Variants in DNAI3 observed in about 807,000 individuals in gnomAD.
DNAI3 encodes WD repeat domain 63.
A neutral mutation model predicts 115.5 loss-of-function variants in DNAI3; 83 were observed. That is an observed-to-expected ratio of 0.72 (90% confidence interval 0.60 to 0.86). The LOEUF (loss-of-function observed/expected upper bound fraction) is 0.86. Ranked by LOEUF, DNAI3 falls within the 40% of genes least tolerant of loss-of-function variation. The pLI, the probability that DNAI3 is intolerant of heterozygous loss-of-function variation, is 0.00. For synonymous variants in DNAI3, 320 were observed against 347.0 expected, an observed-to-expected ratio of 0.92 and a Z score of 0.86; for missense variants, 1,004 against 1,075.8, an observed-to-expected ratio of 0.93 and a Z score of 0.93.
intron 16 of DNAI3, among the ~76,000 whole-genome samples, chr1:85,113,577 G>A (rs997425562): frequency 3.0e-4 from 45 of 152,014 alleles, no homozygotes; most frequent in African/African-American, 1.1e-3. Context: ...AGAGCAATAC[G>A]ACACTGTTTT....
chr1:85,121,485 T>A (rs1203913794), intron 17 of DNAI3, among the ~76,000 whole-genome samples: 3 of 152,248 alleles, frequency 2.0e-5, no homozygotes, highest in Non-Finnish European at 2.9e-5. Flanking sequence ...TTGGGACTAT[T>A]GTCCCAGATG....
At chr1:85,065,811 A>C (rs1654080671) in intron 1 of DNAI3, among the ~76,000 whole-genome samples, 1 of 152,228 alleles carries the variant, frequency 6.6e-6, no homozygotes, top group Non-Finnish European at 1.5e-5. Context: ...GTATTATGAC[A>C]ATTTAATTTA....
At chr1:85,077,073 G>A (rs1330337951) in intron 3 of DNAI3, among the ~76,000 whole-genome samples, 2 of 152,160 alleles carry the variant, frequency 1.3e-5, no homozygotes, top group African/African-American at 2.4e-5. Context: ...GTAGGTTCAT[G>A]TTAACTCTTT....
chr1:85,069,348 T>C (rs1209281551), intron 1 of DNAI3, among the ~76,000 whole-genome samples: 2 of 49,228 alleles, frequency 4.1e-5, no homozygotes, highest in African/African-American at 8.8e-5. Flanking sequence ...ATTTTTCTCC[T>C]TAGTAGTTCT....
chr1:85,082,431 T>C (rs368386624), intron 5 of DNAI3, 27 bp downstream of exon 5: 53 of 1,568,620 alleles, frequency 3.4e-5, no homozygotes, highest in Non-Finnish European at 3.0e-5. Context: ...CCCTTGTAAT[T>C]TGTTTGTTTT....
chr1:85,119,788 C>T (rs1655938645), intron 17 of DNAI3, among the ~76,000 whole-genome samples: 1 of 152,068 alleles, frequency 6.6e-6, no homozygotes, highest in South Asian at 2.1e-4. Context: ...ACCTCCACCT[C>T]CCAGGTTCAA....
chr1:85,078,626 CCCAATAGCAG>C (rs1221802511), intron 3 of DNAI3, among the ~76,000 whole-genome samples: 1 of 152,212 alleles, frequency 6.6e-6, no homozygotes, highest in Non-Finnish European at 1.5e-5. Context: ...TCAAAGCCTA[CCCAATAGCAG>C]TTGTTTTACA....
chr1:85,073,728 T>G (rs1353327395), intron 3 of DNAI3, among the ~76,000 whole-genome samples: 1 of 152,162 alleles, frequency 6.6e-6, no homozygotes, highest in African/African-American at 2.4e-5. Flanking sequence ...TGAGGAAATA[T>G]TGGTAGTATT....
intron 3 of DNAI3, among the ~76,000 whole-genome samples, chr1:85,074,259 C>T (rs990558709): frequency 3.9e-5 from 6 of 152,204 alleles, no homozygotes; most frequent in Non-Finnish European, 5.9e-5. Context: ...CACTCAGCCT[C>T]CTTCTGTCCA....
rs202041938 is a variant in DNAI3 at position 85,097,614 on chromosome 1, A to T, written c.1309A>T (p.Ile437Phe). 85 of 1,613,276 alleles carry T rather than the reference A, an allele frequency of 5.3e-5. No individual in the cohort carries two copies. The highest frequency in any genetic ancestry group is 6.2e-5 in the Non-Finnish European group (73 of 1,179,638). Residue 437 changes from isoleucine (I) to phenylalanine (F), a missense_variant, in exon 12 of 23, where the codon ATT becomes TTT. By Grantham distance (21) the Ile-to-Phe change is conservative (BLOSUM62 0). This residue lies in a region of DNAI3 where 550 missense variants were observed against 568.1 expected (regional missense o/e 0.97). Transcript: ENST00000294664. ...CGCACATGCAGATCGCATAGAAAAC[A>T]TTAAGGCAGGTGGTAGTAGAAGTAA... ...ITAHADRIENIKAGGSRSKRA... is the reference protein window; with the variant it reads ...ITAHADRIENFKAGGSRSKRA...
At chr1:85,093,027 G>T (rs1655024880) in intron 8 of DNAI3, among the ~76,000 whole-genome samples, 1 of 152,182 alleles carries the variant, frequency 6.6e-6, no homozygotes, top group South Asian at 2.1e-4. Flanking sequence ...GTTTACTGAG[G>T]ATTACACTGT....
chr1:85,076,086 C>A (rs1296469330), intron 3 of DNAI3, among the ~76,000 whole-genome samples: 1 of 152,170 alleles, frequency 6.6e-6, no homozygotes, highest in Non-Finnish European at 1.5e-5. Context: ...TTTTCAGCTT[C>A]TAGAGGCCAC....
intron 12 of DNAI3, among the ~76,000 whole-genome samples, chr1:85,098,103 T>C (rs1416115178): frequency 6.6e-6 from 1 of 152,214 alleles, no homozygotes; most frequent in Admixed American, 6.5e-5. Flanking sequence ...TACCATGATT[T>C]TGTGGGGCTA....
rs776041006 is a variant in DNAI3, at chr1:85,117,747, G to A, written c.1805G>A (p.Ser602Asn). The A allele has an allele frequency of 3.1e-6, 5 of 1,613,710 alleles. No individual in the cohort carries two copies. The South Asian group carries it at 5.5e-5, about 18-fold the overall frequency. The change falls in exon 17 of 23, where the codon AGC (serine) becomes AAC (asparagine). Residue 602 changes from serine to asparagine, a missense_variant. Coordinates refer to ENST00000294664, the MANE Select transcript of DNAI3 (RefSeq NM_145172.5). ...CTGAAAGACAAAATGTTAGCACAGAGCAAAACAGAGAAGGCAGAAGAAATG... is the reference window on the plus strand; with the variant it reads ...CTGAAAGACAAAATGTTAGCACAGAACAAAACAGAGAAGGCAGAAGAAATG... ...CKTQDKMLAQ[S>N]KTEKAEEMNP... is the part of the protein sequence containing the mutation.
chr1:85,098,687 C>G, intron 13 of DNAI3, 29 bp downstream of exon 13: 1 of 1,604,222 alleles, frequency 6.2e-7, no homozygotes, highest in Non-Finnish European at 8.5e-7. Context: ...ATACTTTTCT[C>G]CTGCTGAATT....
intron 17 of DNAI3, 22 bp from the exon 18 acceptor site, chr1:85,121,729 C>T (rs1225692307): frequency 6.2e-7 from 1 of 1,612,554 alleles, no homozygotes; most frequent in East Asian, 2.2e-5. Flanking sequence ...TTGTACTCAT[C>T]AGGAACCTGT....
At chr1:85,070,159 G>A (rs1654225244) in intron 1 of DNAI3, among the ~76,000 whole-genome samples, 1 of 152,076 alleles carries the variant, frequency 6.6e-6, no homozygotes, top group Admixed American at 6.5e-5. Flanking sequence ...TACTTGGGAG[G>A]CTGAGGCAGG....
At chr1:85,090,519 C>G (rs981307523) in intron 8 of DNAI3, among the ~76,000 whole-genome samples, 7 of 152,172 alleles carry the variant, frequency 4.6e-5, no homozygotes. Context: ...ACCATGGTTA[C>G]TTTTACGTAA....
chr1:85,077,214 T>C (rs2100561914), intron 3 of DNAI3, among the ~76,000 whole-genome samples: 1 of 152,324 alleles, frequency 6.6e-6, no homozygotes, highest in South Asian at 2.1e-4. Flanking sequence ...GGAGAAGGGA[T>C]AGTCTTTTCA....
Sources: gnomAD v4.1 joint callset for allele counts (sites outside exome capture counted in the v4.1 genomes callset) on GRCh38, gnomAD v4.1.1 for gene constraint, gnomAD v4.1.1 regional missense constraint, MANE v1.5 for transcripts, NCBI Gene and HGNC (gene_info 2026-07-23, HGNC 2026-07-21) for gene names.